EPHX1: variants seen among roughly 807,000 people sequenced by gnomAD.
The protein encoded by EPHX1 is epoxide hydratase.
Under a neutral mutation model 43.2 loss-of-function variants are expected in EPHX1, and 40 were observed. The observed-to-expected ratio is 0.93, with a 90% CI of 0.72 to 1.21. The LOEUF is 1.21. EPHX1 is among the 50% of genes most tolerant of loss of function. The pLI is 0.00. For missense variants in EPHX1, 550 were observed against 570.4 expected (o/e 0.96, Z 0.36); for synonymous variants, 221 against 226.7 (o/e 0.98, Z 0.22).
chr1:225,832,621 C>T (rs1444529429), intron 3 of EPHX1, among the ~76,000 whole-genome samples: 4 of 152,242 alleles, frequency 2.6e-5, no homozygotes, highest in Non-Finnish European at 5.9e-5. Context: ...TCTGAGGAAC[C>T]GCCATACTGC....
intron 3 of EPHX1, among the ~76,000 whole-genome samples, chr1:225,835,544 C>T (rs369469829): frequency 9.3e-4 from 141 of 152,014 alleles, no homozygotes; most frequent in African/African-American, 3.2e-3. Flanking sequence ...CGCCCGCCAC[C>T]ATGCCCAGCT....
At chr1:225,842,520 G>A (rs772663231) in intron 7 of EPHX1, 46 bp downstream of exon 7, 3 of 1,320,428 alleles carry the variant, frequency 2.3e-6, no homozygotes, top group Non-Finnish European at 3.3e-6. Flanking sequence ...GGTCCCAGCA[G>A]CCAACCTCCT....
Position 225,831,930 on chromosome 1 carries a change from G to C in EPHX1, c.335G>C (p.Arg112Thr). 6.2e-7 allele frequency: 1 copy of C among 1,614,132 alleles called. No homozygotes were observed. Among genetic ancestry groups the C allele is most frequent in the Non-Finnish European group, 8.5e-7 (1 of 1,180,040 alleles). Residue 112 changes from arginine to threonine, a missense_variant, in exon 3 of 9, where the codon AGA becomes ACA. Transcript: ENST00000272167. ...AAGAAGCAGGTGGAGATTCTCAACA[G>C]ATACCCTCACTTCAAGACTAAGATT... Reference protein sequence around the residue: ...DWKKQVEILNRYPHFKTKIEG... With the variant: ...DWKKQVEILNTYPHFKTKIEG...
At chr1:225,841,985 T>A (rs1029451541) in intron 6 of EPHX1, among the ~76,000 whole-genome samples, 1 of 152,200 alleles carries the variant, frequency 6.6e-6, no homozygotes, top group Non-Finnish European at 1.5e-5. Context: ...TATTTTAGAC[T>A]TTTTTAGGTG....
intron 1 of EPHX1, among the ~76,000 whole-genome samples, chr1:225,810,986 C>G (rs565028225): frequency 6.6e-6 from 1 of 152,264 alleles, no homozygotes; most frequent in South Asian, 2.1e-4. Flanking sequence ...TGACACTGAT[C>G]ACACCTTTTA....
At chr1:225,810,771 G>T (rs1014171770) in intron 1 of EPHX1, among the ~76,000 whole-genome samples, 1 of 145,896 alleles carries the variant, frequency 6.9e-6, no homozygotes, top group African/African-American at 2.5e-5. Flanking sequence ...AGAGTGGGGG[G>T]GGTCACAAGG....
At position 225,834,006 on chromosome 1, in the gene EPHX1, A is replaced by G. The variant is rs1196365879; in HGVS notation, c.364+2047A>G. ...CCAGCTACTTGGGAGGCTGAGGCAG[A>G]AGAATAGCGTGAACCCGGAAGGCGG... On this transcript the variant is annotated intron_variant, in intron 3 of 8. Transcript: ENST00000272167. Among the ~76,000 whole-genome samples the G allele has an allele frequency of 8.5e-4, 126 of 148,364 alleles. 1 individual carries two copies. The highest frequency in any genetic ancestry group is 1.8e-3 in the African/African-American group (72 of 40,106).
intron 1 of EPHX1, among the ~76,000 whole-genome samples, chr1:225,821,291 C>CT (rs2102694409): frequency 6.6e-6 from 1 of 152,090 alleles, no homozygotes; most frequent in African/African-American, 2.4e-5. Context: ...GTTGCCCAGG[C>CT]TGGAGTCTAG....
intron 6 of EPHX1, among the ~76,000 whole-genome samples, chr1:225,840,521 A>C (rs1190108759): frequency 1.3e-5 from 2 of 152,266 alleles, no homozygotes; most frequent in Non-Finnish European, 2.9e-5. Flanking sequence ...TAAAGGAACC[A>C]GTAAAATTTT....
intron 1 of EPHX1, among the ~76,000 whole-genome samples, chr1:225,814,588 G>A (rs568294639): frequency 6.6e-6 from 1 of 152,290 alleles, no homozygotes; most frequent in East Asian, 1.9e-4. Flanking sequence ...AGCCTGGACT[G>A]TGACTCTTGA....
At chr1:225,827,010 A>T (rs1395286705) in intron 1 of EPHX1, among the ~76,000 whole-genome samples, 2 of 152,236 alleles carry the variant, frequency 1.3e-5, no homozygotes. Context: ...GGCGAGAGCC[A>T]TCGCCCTGGG....
At chr1:225,836,869 G>A (rs2102747986) in intron 3 of EPHX1, among the ~76,000 whole-genome samples, 1 of 152,344 alleles carries the variant, frequency 6.6e-6, no homozygotes, top group South Asian at 2.1e-4. Context: ...GGGCTGTACA[G>A]CAGAGCGCCG....
chr1:225,839,802 C>T, intron 5 of EPHX1, 27 bp from the exon 6 acceptor site: 1 of 1,611,092 alleles, frequency 6.2e-7, no homozygotes, highest in Non-Finnish European at 8.5e-7. Flanking sequence ...AGCCCAGCCT[C>T]ACCCCGGCCC....
intron 3 of EPHX1, among the ~76,000 whole-genome samples, chr1:225,833,182 A>G (rs1263096714): frequency 6.6e-6 from 1 of 152,224 alleles, no homozygotes; most frequent in Non-Finnish European, 1.5e-5. Context: ...TATTGAAGAA[A>G]TTGTACATGT....
intron 6 of EPHX1, 59 bp downstream of exon 6, chr1:225,840,096 G>A (rs970358601): frequency 1.4e-5 from 22 of 1,567,200 alleles, no homozygotes; most frequent in South Asian, 5.6e-5. Context: ...GGAGACACCC[G>A]CGGGGTAACC....
intron 1 of EPHX1, among the ~76,000 whole-genome samples, chr1:225,819,013 G>T (rs1184798179): frequency 1.3e-5 from 2 of 150,408 alleles, no homozygotes; most frequent in Non-Finnish European, 3.0e-5. Context: ...GGATCACGAG[G>T]TCAGGAGATT....
intron 1 of EPHX1, chr1:225,825,689 TGTGCTGGGCCAGTCACCA>T (rs1446406191): frequency 6.6e-6 from 1 of 152,392 alleles, no homozygotes; most frequent in East Asian, 1.9e-4. Flanking sequence ...AGCTCTTCGC[TGTGCTGGGCCAGTCACCA>T]GTGCTGGGCA....
intron 2 of EPHX1, among the ~76,000 whole-genome samples, chr1:225,829,716 G>A (rs551617256): frequency 6.6e-6 from 1 of 152,210 alleles, no homozygotes; most frequent in African/African-American, 2.4e-5. Context: ...AGCCCCTTCC[G>A]TCCAACAGCA....
At chr1:225,812,147 G>T (rs1304081454) in intron 1 of EPHX1, among the ~76,000 whole-genome samples, 1 of 152,154 alleles carries the variant, frequency 6.6e-6, no homozygotes, top group Non-Finnish European at 1.5e-5. Context: ...TTTGCAGAGT[G>T]TGGGTCAAGC....
Sources: gnomAD v4.1 joint callset for allele counts (sites outside exome capture counted in the v4.1 genomes callset) on GRCh38, gnomAD v4.1.1 for gene constraint, MANE v1.5 for transcripts, NCBI Gene and HGNC (gene_info 2026-07-23, HGNC 2026-07-21) for gene names.